The following NEK10 variants were observed in gnomAD, a reference collection of about 807,000 sequenced individuals.
NEK10 encodes the protein NIMA related kinase 10.
Under a neutral mutation model 159.8 loss-of-function variants are expected in NEK10, and 122 were observed. That is an observed-to-expected ratio of 0.76 (90% CI 0.66 to 0.89). The LOEUF (loss-of-function observed/expected upper bound fraction) is 0.89. Among genes scored for constraint, NEK10 ranks in the 40% least tolerant of loss-of-function variants. The pLI is 0.00. For synonymous variants in NEK10, 466 were observed against 457.1 expected, an observed-to-expected ratio of 1.02 and a Z score of -0.25; for missense variants, 1,342 against 1,323.1, an observed-to-expected ratio of 1.01 and a Z score of -0.22.
intron 22 of NEK10, among the ~76,000 whole-genome samples, chr3:27,268,642 A>G (rs1489939553): frequency 1.3e-5 from 2 of 152,212 alleles, no homozygotes; most frequent in African/African-American, 4.8e-5. Context: ...CTTTCAAAAT[A>G]TTAGTGTTTG....
intron 25 of NEK10, among the ~76,000 whole-genome samples, chr3:27,192,444 T>A (rs1949201067): frequency 6.6e-6 from 1 of 151,782 alleles, no homozygotes; most frequent in Non-Finnish European, 1.5e-5. Context: ...GGAAAAGGAG[T>A]CAGCGTTATT....
In NEK10 at chr3:27,304,845, G is replaced by A; in HGVS notation, c.930C>T (p.Ser310=). 1.2e-6 allele frequency: 2 copies of A among 1,613,774 alleles called. No homozygotes were observed. The highest frequency in any genetic ancestry group is 1.7e-6 in the Non-Finnish European group (2 of 1,179,714). Residue 310 remains serine (S), a synonymous_variant, in exon 12 of 36, where the codon AGC becomes AGT. Transcript: ENST00000691995. The stretch of plus-strand genomic sequence containing the variant: ...AAACCTGTACCAGAATCCAGACAAT[G>A]CTCCAGAGGAGCTTCAAGTGGTCAG... ...LHSDHLKLLW[S]IVWILVQVCE... is the part of the protein sequence containing the mutation.
intron 22 of NEK10, among the ~76,000 whole-genome samples, chr3:27,270,879 A>T (rs926621290): frequency 7.8e-5 from 7 of 89,834 alleles, no homozygotes; most frequent in African/African-American, 2.3e-4. Context: ...TACACACTAT[A>T]AAAAAAAAGT....
chr3:27,247,793 T>C (rs1353272442), intron 23 of NEK10, among the ~76,000 whole-genome samples: 2 of 151,494 alleles, frequency 1.3e-5, no homozygotes, highest in East Asian at 3.9e-4. Flanking sequence ...CCTGCAGTTT[T>C]CTTTTAATTT....
chr3:27,331,732 G>C (rs1424414816), intron 5 of NEK10, among the ~76,000 whole-genome samples: 1 of 152,118 alleles, frequency 6.6e-6, no homozygotes, highest in Non-Finnish European at 1.5e-5. Flanking sequence ...AAGTATCTAT[G>C]ATGTTCTCAG....
intron 11 of NEK10, among the ~76,000 whole-genome samples, chr3:27,307,358 C>G (rs1372990047): frequency 6.6e-6 from 1 of 152,088 alleles, no homozygotes; most frequent in Non-Finnish European, 1.5e-5. Flanking sequence ...TAATAACTAT[C>G]TGGATAGTTA....
intron 32 of NEK10, among the ~76,000 whole-genome samples, chr3:27,126,495 T>A (rs575272174): frequency 2.6e-4 from 39 of 152,278 alleles, no homozygotes; most frequent in Non-Finnish European, 5.1e-4. Context: ...GCCTGTTGGA[T>A]ATACCATAAG....
At chr3:27,186,519 G>A (rs10510596) in intron 26 of NEK10, among the ~76,000 whole-genome samples, 34,614 of 152,110 alleles carry the variant, frequency 0.23, 4,283 homozygotes, top group Middle Eastern at 0.38. Flanking sequence ...CAGCAGATGC[G>A]AACCTTGGGA....
At chr3:27,171,716 G>A (rs1028428455) in intron 29 of NEK10, 103 bp downstream of exon 29, 26 of 1,172,600 alleles carry the variant, frequency 2.2e-5, no homozygotes, top group Admixed American at 1.5e-4. Flanking sequence ...TCCTATTTCC[G>A]CAGGCACATG....
At chr3:27,368,689 A>G (rs2049286936) in intron 1 of NEK10, among the ~76,000 whole-genome samples, 1 of 152,140 alleles carries the variant, frequency 6.6e-6, no homozygotes, top group African/African-American at 2.4e-5. Context: ...TTAACTTGGC[A>G]GCTGGATTTT....
At position 27,352,837 on chromosome 3, in the gene NEK10, C is replaced by G; in HGVS notation, c.46G>C (p.Asp16His). 6.2e-7 allele frequency: 1 copy of G among 1,610,876 alleles called. No homozygotes were observed. The highest frequency in any genetic ancestry group is 8.5e-7 in the Non-Finnish European group (1 of 1,177,412). The change falls in exon 2 of 36, where the codon GAT becomes CAT. Residue 16 changes from aspartate to histidine, a missense_variant. Asp to His is a moderately conservative substitution (Grantham distance 81). Transcript: ENST00000691995. ...KKVKTTEKSTDKQQEITIRDY... is the reference protein window; with the variant it reads ...KKVKTTEKSTHKQQEITIRDY... ...CTGATGGTGATTTCTTGCTGTTTAT[C>G]AGTTGATTTTTCTGTGGTCTTCACC...
chr3:27,212,173 T>C lies in NEK10; in HGVS notation c.2091-9616A>G, dbSNP rs1441874123. Among the ~76,000 whole-genome samples the C allele has an allele frequency of 2.6e-5, 4 of 152,252 alleles. No homozygotes were observed. In the East Asian group the frequency reaches 5.8e-4, roughly 22 times the overall value. On this transcript the variant is annotated intron_variant, in intron 23 of 35. Coordinates refer to ENST00000691995, the MANE Select transcript of NEK10 (RefSeq NM_001394966.1). ...TTAAAATTTGTTCTATCAAAACAAATTCATGAACATGTAAATAATTTTTGA... is the reference window on the plus strand; with the variant it reads ...TTAAAATTTGTTCTATCAAAACAAACTCATGAACATGTAAATAATTTTTGA...
intron 32 of NEK10, among the ~76,000 whole-genome samples, 163 bp downstream of exon 32, chr3:27,131,717 G>A (rs1350474863): frequency 6.6e-6 from 1 of 152,110 alleles, no homozygotes; most frequent in Non-Finnish European, 1.5e-5. Flanking sequence ...CGGAAATAGA[G>A]AAAATCAGAA....
intron 23 of NEK10, among the ~76,000 whole-genome samples, chr3:27,227,520 T>C (rs1307661086): frequency 6.6e-6 from 1 of 152,164 alleles, no homozygotes; most frequent in Non-Finnish European, 1.5e-5. Context: ...GGGCACATAT[T>C]GACTTCCCAT....
At chr3:27,148,691 T>G (rs1944539460) in intron 30 of NEK10, among the ~76,000 whole-genome samples, 1 of 152,202 alleles carries the variant, frequency 6.6e-6, no homozygotes, top group Non-Finnish European at 1.5e-5. Context: ...TTCAATTATT[T>G]TACACACCAT....
chr3:27,268,101 T>C (rs2041052722), intron 22 of NEK10, among the ~76,000 whole-genome samples: 1 of 152,216 alleles, frequency 6.6e-6, no homozygotes, highest in African/African-American at 2.4e-5. Context: ...CTCTCTTCAA[T>C]TCTGTGAAGA....
intron 30 of NEK10, among the ~76,000 whole-genome samples, chr3:27,143,924 A>G (rs577425622): frequency 1.3e-5 from 2 of 152,364 alleles, no homozygotes; most frequent in Non-Finnish European, 2.9e-5. Context: ...TTGAAAAATG[A>G]TATCAAATGA....
intron 5 of NEK10, among the ~76,000 whole-genome samples, chr3:27,337,861 A>G (rs995549462): frequency 3.3e-5 from 5 of 152,150 alleles, no homozygotes; most frequent in Non-Finnish European, 5.9e-5. Context: ...ACTAACTAAA[A>G]ACAGAAAACA....
At chr3:27,180,219 AC>A (rs1947932207) in intron 26 of NEK10, among the ~76,000 whole-genome samples, 1 of 151,990 alleles carries the variant, frequency 6.6e-6, no homozygotes, top group African/African-American at 2.4e-5. Context: ...AAATAGTGAA[AC>A]CCCATCTCTA....
Sources: gnomAD v4.1 joint callset for allele counts (sites outside exome capture counted in the v4.1 genomes callset) on GRCh38, gnomAD v4.1.1 for gene constraint, MANE v1.5 for transcripts, NCBI Gene and HGNC (gene_info 2026-07-23, HGNC 2026-07-21) for gene names.